PTPRM: variants seen among roughly 807,000 people sequenced by gnomAD.
PTPRM encodes the protein receptor-type tyrosine-protein phosphatase mu.
A neutral mutation model predicts 186.7 loss-of-function variants in PTPRM; 47 were observed. That is an observed-to-expected ratio of 0.25 (90% CI 0.20 to 0.32). The LOEUF (loss-of-function observed/expected upper bound fraction) is 0.32, where lower values mean the gene tolerates loss of function less well. PTPRM is among the 10% of genes least tolerant of loss of function. The pLI, the probability that PTPRM is intolerant of heterozygous loss-of-function variation, is 1.00. For synonymous variants in PTPRM, 668 were observed against 674.9 expected (o/e 0.99, Z 0.16); for missense variants, 1,494 against 1,865.0 (o/e 0.80, Z 3.66).
rs778965131 is a variant in PTPRM, at chr18:8,248,154, A to C, written c.2532A>C (p.Pro844=). The stretch of plus-strand genomic sequence containing the variant: ...CCTGCTTACGGTGTATGACAGACCC[A>C]TTTGTGCCAACTGCAATTTTAGGTG... ...TSVPNSYYPD[P]FVPTAILVPI... Residue 844 remains proline, a synonymous_variant, in exon 17 of 33, where the codon CCA becomes CCC. Coordinates refer to ENST00000580170, the MANE Select transcript of PTPRM (RefSeq NM_001105244.2). 1 of 1,532,750 alleles carries C rather than the reference A, an allele frequency of 6.5e-7. No homozygotes were observed. The highest frequency in any genetic ancestry group is 2.2e-5 in the East Asian group (1 of 44,470). The allele number at this position is 1,532,750 out of a possible 1,614,324, so 94.9% of individuals were successfully genotyped here.
intron 2 of PTPRM, among the ~76,000 whole-genome samples, chr18:7,858,992 A>G (rs2047219956): frequency 1.3e-5 from 2 of 152,348 alleles, no homozygotes; most frequent in South Asian, 2.1e-4. Context: ...ATTTTAGAAC[A>G]GAGTTCCTGA....
intron 2 of PTPRM, among the ~76,000 whole-genome samples, chr18:7,881,075 G>GT (rs1294044555): frequency 6.6e-6 from 1 of 152,094 alleles, no homozygotes; most frequent in Non-Finnish European, 1.5e-5. Flanking sequence ...GAAAGCCTGG[G>GT]TATGTGTGTG....
chr18:7,985,645 A>G (rs908981823), intron 7 of PTPRM, among the ~76,000 whole-genome samples: 22 of 149,902 alleles, frequency 1.5e-4, no homozygotes, highest in African/African-American at 5.4e-4. Context: ...ATATACATAT[A>G]TGGGGTAAAT....
chr18:7,718,560 ATGGGACCTAAT>A (rs1392730294), intron 1 of PTPRM, among the ~76,000 whole-genome samples: 1 of 152,236 alleles, frequency 6.6e-6, no homozygotes, highest in Non-Finnish European at 1.5e-5. Context: ...AAATAAACAA[ATGGGACCTAAT>A]TAAACTAAAA....
chr18:7,875,151 G>A (rs140588361), intron 2 of PTPRM, among the ~76,000 whole-genome samples: 4,183 of 152,034 alleles, frequency 0.028, 188 homozygotes, highest in African/African-American at 0.096. Context: ...AACTGAGATC[G>A]TGCCACTGCA....
At chr18:7,772,337 C>A (rs1430986213) in intron 1 of PTPRM, among the ~76,000 whole-genome samples, 1 of 128,254 alleles carries the variant, frequency 7.8e-6, no homozygotes, top group African/African-American at 2.9e-5. Flanking sequence ...TCTTTCTTTT[C>A]TTTCTTTCTT....
chr18:7,589,000 C>T (rs1347246161), intron 1 of PTPRM, among the ~76,000 whole-genome samples: 3 of 152,152 alleles, frequency 2.0e-5, no homozygotes, highest in East Asian at 1.9e-4. Flanking sequence ...CAGGTGCATA[C>T]CACCATGCTT....
chr18:8,005,117 T>G (rs961855165), intron 7 of PTPRM, among the ~76,000 whole-genome samples: 3 of 152,192 alleles, frequency 2.0e-5, no homozygotes, highest in African/African-American at 7.2e-5. Flanking sequence ...AGAATGGTCC[T>G]TTGGGCATGG....
chr18:8,308,296 T>G (rs890616769), intron 20 of PTPRM, among the ~76,000 whole-genome samples: 1 of 152,214 alleles, frequency 6.6e-6, no homozygotes, highest in South Asian at 2.1e-4. Flanking sequence ...GGCATCTGCC[T>G]TATTTGAGCA....
intron 19 of PTPRM, among the ~76,000 whole-genome samples, chr18:8,261,997 C>T (rs186928282): frequency 3.3e-5 from 5 of 150,526 alleles, no homozygotes; most frequent in South Asian, 2.1e-4. Context: ...CCAGCATCTG[C>T]GGACCTTATG....
At chr18:7,609,390 A>G (rs1382447540) in intron 1 of PTPRM, among the ~76,000 whole-genome samples, 2 of 152,178 alleles carry the variant, frequency 1.3e-5, no homozygotes, top group Non-Finnish European at 2.9e-5. Context: ...CCTGGAGGAC[A>G]GGCCTAGGTG....
intron 1 of PTPRM, among the ~76,000 whole-genome samples, chr18:7,723,495 A>G (rs1294752862): frequency 6.6e-6 from 1 of 152,096 alleles, no homozygotes; most frequent in African/African-American, 2.4e-5. Flanking sequence ...CTCCATGGAG[A>G]GAGATTTGGC....
chr18:8,126,099 C>T (rs1311600415), intron 13 of PTPRM, among the ~76,000 whole-genome samples: 2 of 142,646 alleles, frequency 1.4e-5, no homozygotes, highest in Non-Finnish European at 3.0e-5. Context: ...AAGCATGAAA[C>T]AGCATTGTCT....
intron 1 of PTPRM, among the ~76,000 whole-genome samples, chr18:7,745,075 G>A (rs2040957116): frequency 6.6e-6 from 1 of 152,082 alleles, no homozygotes; most frequent in Non-Finnish European, 1.5e-5. Flanking sequence ...ATGACCTTGG[G>A]TAAGTTACCC....
At chr18:8,260,910 T>G (rs2094624165) in intron 19 of PTPRM, among the ~76,000 whole-genome samples, 1 of 152,178 alleles carries the variant, frequency 6.6e-6, no homozygotes, top group Non-Finnish European at 1.5e-5. Context: ...TGCACACACT[T>G]CTAGACGACT....
chr18:8,289,059 T>C (rs2094991811), intron 19 of PTPRM, among the ~76,000 whole-genome samples: 1 of 152,106 alleles, frequency 6.6e-6, no homozygotes, highest in Non-Finnish European at 1.5e-5. Flanking sequence ...TGAGCCAGTT[T>C]TGAGGCCAAA....
intron 7 of PTPRM, among the ~76,000 whole-genome samples, chr18:8,059,322 T>C (rs1356885190): frequency 1.5e-5 from 1 of 68,900 alleles, no homozygotes; most frequent in Admixed American, 1.6e-4. Context: ...GAGACTTTGC[T>C]GAAGTTGCTT....
intron 14 of PTPRM, 134 bp downstream of exon 14, chr18:8,143,913 A>G: frequency 8.5e-7 from 1 of 1,178,486 alleles, no homozygotes; most frequent in Non-Finnish European, 1.2e-6. Flanking sequence ...GATTGTTAAC[A>G]TTTTTCATCA....
intron 14 of PTPRM, among the ~76,000 whole-genome samples, chr18:8,211,444 G>T (rs2094004721): frequency 7.1e-6 from 1 of 140,444 alleles, no homozygotes; most frequent in South Asian, 2.3e-4. Flanking sequence ...GCCCAGGCTG[G>T]AGTGTGTGGA....
Sources: gnomAD v4.1 joint callset for allele counts (sites outside exome capture counted in the v4.1 genomes callset) on GRCh38, gnomAD v4.1.1 for gene constraint, MANE v1.5 for transcripts, NCBI Gene and HGNC (gene_info 2026-07-23, HGNC 2026-07-21) for gene names.